The following MACROD2 variants were observed in gnomAD, a reference collection of about 807,000 sequenced individuals.
The protein encoded by MACROD2 is ADP-ribose glycohydrolase MACROD2.
Under a neutral mutation model 70.4 loss-of-function variants are expected in MACROD2, and 36 were observed. The ratio of observed to expected loss-of-function variants is 0.51; its 90% CI spans 0.39 to 0.68. MACROD2 has a LOEUF of 0.68. Among genes scored for constraint, MACROD2 ranks in the 30% least tolerant of loss-of-function variants. The pLI, the probability that MACROD2 is intolerant of heterozygous loss-of-function variation, is 0.00. For missense variants in MACROD2, 496 were observed against 538.4 expected (o/e 0.92, Z 0.78); for synonymous variants, 172 against 178.8 (o/e 0.96, Z 0.30).
chr20:14,059,891 A>G (rs2053673000), intron 2 of MACROD2, among the ~76,000 whole-genome samples: 1 of 152,168 alleles, frequency 6.6e-6, no homozygotes. Context: ...TTTTCTGAGG[A>G]GGTGACATTT....
At chr20:15,271,802 G>A (rs996483474) in intron 6 of MACROD2, among the ~76,000 whole-genome samples, 1 of 152,176 alleles carries the variant, frequency 6.6e-6, no homozygotes, top group African/African-American at 2.4e-5. Flanking sequence ...AGTCCAGCAT[G>A]GGTGAAGCCA....
chr20:15,332,093 G>A (rs1278682206), intron 6 of MACROD2, among the ~76,000 whole-genome samples: 2 of 151,602 alleles, frequency 1.3e-5, no homozygotes, highest in East Asian at 1.9e-4. Flanking sequence ...AATGGGTATT[G>A]TGTAGGAAAT....
At chr20:15,520,814 C>T (rs998070702) in intron 8 of MACROD2, among the ~76,000 whole-genome samples, 1 of 152,234 alleles carries the variant, frequency 6.6e-6, no homozygotes, top group Non-Finnish European at 1.5e-5. Context: ...GTTTCTCTGA[C>T]AGAATCCCTG....
intron 3 of MACROD2, among the ~76,000 whole-genome samples, chr20:14,376,849 C>T (rs2083376645): frequency 6.6e-6 from 1 of 151,392 alleles, no homozygotes; most frequent in African/African-American, 2.4e-5. Context: ...CTGGTTTTCT[C>T]ACATAATAGC....
At chr20:14,290,643 G>A (rs140313208) in intron 3 of MACROD2, among the ~76,000 whole-genome samples, 1 of 151,972 alleles carries the variant, frequency 6.6e-6, no homozygotes, top group Non-Finnish European at 1.5e-5. Flanking sequence ...CCAAGTAACT[G>A]GGATTAGAGG....
At chr20:14,188,461 A>G (rs2081361228) in intron 3 of MACROD2, among the ~76,000 whole-genome samples, 2 of 152,270 alleles carry the variant, frequency 1.3e-5, no homozygotes, top group Non-Finnish European at 2.9e-5. Flanking sequence ...AGCTTATTCT[A>G]AAGATAAATA....
At chr20:15,565,255 A>C (rs1448420887) in intron 8 of MACROD2, among the ~76,000 whole-genome samples, 1 of 152,242 alleles carries the variant, frequency 6.6e-6, no homozygotes, top group East Asian at 1.9e-4. Context: ...TCTGAAAATA[A>C]ATCCCTAGAG....
chr20:14,644,233 A>C (rs1038925471), intron 4 of MACROD2, among the ~76,000 whole-genome samples: 1 of 152,164 alleles, frequency 6.6e-6, no homozygotes, highest in Non-Finnish European at 1.5e-5. Context: ...CTTTCTTCTC[A>C]TGACAAAGAG....
intron 5 of MACROD2, among the ~76,000 whole-genome samples, chr20:15,081,067 C>G (rs183594955): frequency 6.6e-5 from 10 of 152,248 alleles, no homozygotes; most frequent in African/African-American, 1.9e-4. Context: ...GCTACTGTTT[C>G]TTCAAGCATT....
At chr20:15,365,746 GTT>G (rs1160483913) in intron 6 of MACROD2, among the ~76,000 whole-genome samples, 1 of 151,700 alleles carries the variant, frequency 6.6e-6, no homozygotes, top group Non-Finnish European at 1.5e-5. Flanking sequence ...TATCAAAAGA[GTT>G]TTTAAATTTG....
At chr20:15,136,504 G>A (rs1157064800) in intron 5 of MACROD2, among the ~76,000 whole-genome samples, 3 of 152,202 alleles carry the variant, frequency 2.0e-5, no homozygotes, top group Non-Finnish European at 2.9e-5. Context: ...AAACTGGCTA[G>A]CCATATGTAG....
At chr20:15,218,606 G>T (rs1307005260) in intron 5 of MACROD2, among the ~76,000 whole-genome samples, 1 of 152,174 alleles carries the variant, frequency 6.6e-6, no homozygotes, top group East Asian at 1.9e-4. Context: ...CAGTGTATCT[G>T]ATAGCAGTCA....
chr20:15,320,119 G>A (rs948822268), intron 6 of MACROD2, among the ~76,000 whole-genome samples: 5 of 152,070 alleles, frequency 3.3e-5, no homozygotes, highest in African/African-American at 9.7e-5. Flanking sequence ...CAGGAGAATC[G>A]CTTGAACCCA....
intron 5 of MACROD2, among the ~76,000 whole-genome samples, chr20:15,002,814 A>G (rs1281123671): frequency 6.6e-6 from 1 of 152,204 alleles, no homozygotes; most frequent in African/African-American, 2.4e-5. Flanking sequence ...AGCTGATTGT[A>G]GCCATACAGG....
At chr20:16,023,860 T>C (rs888415621) in intron 15 of MACROD2, among the ~76,000 whole-genome samples, 23 of 152,156 alleles carry the variant, frequency 1.5e-4, no homozygotes, top group African/African-American at 5.1e-4. Context: ...AAGCAAATGA[T>C]TCCCAAATTC....
intron 8 of MACROD2, among the ~76,000 whole-genome samples, chr20:15,812,025 A>G (rs890793351): frequency 6.6e-5 from 10 of 152,226 alleles, no homozygotes; most frequent in Admixed American, 6.5e-5. Flanking sequence ...AGGCAACTGC[A>G]TGAGAAGCCT....
intron 15 of MACROD2, among the ~76,000 whole-genome samples, chr20:16,003,523 G>A (rs1002969086): frequency 6.6e-6 from 1 of 152,194 alleles, no homozygotes; most frequent in Non-Finnish European, 1.5e-5. Flanking sequence ...AGTAACCCTA[G>A]CTCCAGCAGG....
At chr20:14,733,087 T>G (rs2071617568) in intron 5 of MACROD2, among the ~76,000 whole-genome samples, 1 of 152,202 alleles carries the variant, frequency 6.6e-6, no homozygotes, top group Admixed American at 6.5e-5. Flanking sequence ...TACTTTCTTA[T>G]GAAAGTGAGT....
intron 5 of MACROD2, among the ~76,000 whole-genome samples, chr20:15,204,839 G>A (rs1304997499): frequency 6.6e-6 from 1 of 152,088 alleles, no homozygotes; most frequent in Admixed American, 6.6e-5. Context: ...GAAAGAAAAA[G>A]ATTCCACTGC....
Sources: gnomAD v4.1 joint callset for allele counts (sites outside exome capture counted in the v4.1 genomes callset) on GRCh38, gnomAD v4.1.1 for gene constraint, MANE v1.5 for transcripts, NCBI Gene and HGNC (gene_info 2026-07-23, HGNC 2026-07-21) for gene names.